The following LHFPL2 variants were observed in gnomAD, a reference collection of about 807,000 sequenced individuals.
The protein encoded by LHFPL2 is LHFPL tetraspan subfamily member 2.
LHFPL2 carries 7 observed loss-of-function variants against 17.5 expected under a neutral mutation model. The observed-to-expected ratio is 0.40, with a 90% CI of 0.23 to 0.75. The LOEUF is 0.75. LHFPL2 is among the 30% of genes least tolerant of loss of function. The pLI is 0.37. For missense variants in LHFPL2, 241 were observed against 294.8 expected (o/e 0.82, Z 1.34); for synonymous variants, 134 against 116.2 (o/e 1.15, Z -0.99).
intron 2 of LHFPL2, among the ~76,000 whole-genome samples, chr5:78,576,226 C>G (rs1319096335): frequency 1.3e-5 from 2 of 151,192 alleles, no homozygotes; most frequent in Non-Finnish European, 2.9e-5. Flanking sequence ...GCCCGGGAGG[C>G]GGAGCTTGCA....
intron 2 of LHFPL2, among the ~76,000 whole-genome samples, chr5:78,614,804 G>C (rs186398247): frequency 9.8e-5 from 15 of 152,324 alleles, no homozygotes; most frequent in African/African-American, 3.1e-4. Context: ...GGCAGGTTCT[G>C]TTATAACCCA....
rs1754212644 is a variant in LHFPL2, at chr5:78,485,630, T to C, written c.*3267A>G. 2 of 152,654 alleles carry C rather than the reference T, an allele frequency of 1.3e-5. No homozygotes were observed. Among genetic ancestry groups the C allele is most frequent in the Admixed American group, 1.3e-4 (2 of 15,280 alleles). The allele number at this position is 152,654 out of a possible 1,614,324, so 9.5% of individuals were successfully genotyped here. A position where few individuals can be genotyped will look rare whatever the true frequency, so the allele number is the denominator to read the frequency against. ...AGAGGTCTGTTCTAAGCCAGACTCT[T>C]ACAGCTAAGGAGGTGTGAGATTAGC... On this transcript the variant is annotated 3_prime_UTR_variant, in exon 5 of 5. Transcript: ENST00000380345.
intron 2 of LHFPL2, among the ~76,000 whole-genome samples, chr5:78,608,784 T>A (rs1446162388): frequency 6.6e-6 from 1 of 151,734 alleles, no homozygotes; most frequent in Non-Finnish European, 1.5e-5. Context: ...TACAAAAAAT[T>A]AGCCGGGCGC....
At chr5:78,615,131 T>C (rs1744554016) in intron 2 of LHFPL2, among the ~76,000 whole-genome samples, 1 of 152,214 alleles carries the variant, frequency 6.6e-6, no homozygotes, top group South Asian at 2.1e-4. Flanking sequence ...TTAGGATCCC[T>C]GGTCTCTATT....
intron 2 of LHFPL2, among the ~76,000 whole-genome samples, chr5:78,596,683 T>C (rs961378498): frequency 6.6e-6 from 1 of 152,020 alleles, no homozygotes; most frequent in African/African-American, 2.4e-5. Context: ...TCAGGACACC[T>C]CCCCGCCATG....
chr5:78,597,556 A>G (rs1278586864), intron 2 of LHFPL2, among the ~76,000 whole-genome samples: 5 of 152,196 alleles, frequency 3.3e-5, no homozygotes, highest in Non-Finnish European at 7.3e-5. Flanking sequence ...GACGTAGCAG[A>G]TTATGGAAGA....
intron 2 of LHFPL2, among the ~76,000 whole-genome samples, chr5:78,576,188 C>T (rs372170897): frequency 6.6e-5 from 10 of 151,702 alleles, no homozygotes; most frequent in African/African-American, 2.4e-4. Flanking sequence ...CCAGCTACTC[C>T]GGAGGCTGAG....
At chr5:78,512,517 G>A (rs1272155141) in intron 3 of LHFPL2, among the ~76,000 whole-genome samples, 1 of 151,432 alleles carries the variant, frequency 6.6e-6, no homozygotes, top group African/African-American at 2.4e-5. Context: ...GTTACTAAGG[G>A]CTTTAGAGGA....
chr5:78,609,574 G>A (rs1744346671), intron 2 of LHFPL2, among the ~76,000 whole-genome samples: 1 of 148,264 alleles, frequency 6.7e-6, no homozygotes, highest in African/African-American at 2.5e-5. Flanking sequence ...GCCACATAAA[G>A]ACTACCACAA....
intron 2 of LHFPL2, among the ~76,000 whole-genome samples, chr5:78,597,039 T>C (rs968851812): frequency 6.6e-6 from 1 of 152,218 alleles, no homozygotes; most frequent in Non-Finnish European, 1.5e-5. Flanking sequence ...GCAAAGCAAA[T>C]TGCTAAACCT....
intron 2 of LHFPL2, among the ~76,000 whole-genome samples, chr5:78,629,673 A>G (rs911111220): frequency 2.6e-5 from 4 of 152,218 alleles, no homozygotes; most frequent in Non-Finnish European, 5.9e-5. Context: ...TCAGCAATAA[A>G]GGAAACTGCG....
At chr5:78,579,266 G>C (rs1037341991) in intron 2 of LHFPL2, among the ~76,000 whole-genome samples, 6 of 152,050 alleles carry the variant, frequency 3.9e-5, no homozygotes, top group Admixed American at 3.9e-4. Flanking sequence ...GGGTGGAGGA[G>C]GAGGAGGATT....
At chr5:78,577,574 G>T (rs184668572) in intron 2 of LHFPL2, among the ~76,000 whole-genome samples, 2 of 152,084 alleles carry the variant, frequency 1.3e-5, no homozygotes, top group African/African-American at 4.8e-5. Context: ...GCCGTACACG[G>T]GTCCATTTGC....
intron 2 of LHFPL2, among the ~76,000 whole-genome samples, chr5:78,601,854 A>T (rs920741737): frequency 6.6e-6 from 1 of 152,218 alleles, no homozygotes; most frequent in African/African-American, 2.4e-5. Context: ...CCTGCACTGG[A>T]AACACAGCTG....
In LHFPL2 at chr5:78,534,889, T is replaced by C. The variant is rs191355705; in HGVS notation, c.-185-24491A>G. Among the ~76,000 whole-genome samples, 719 of 152,280 alleles carry C rather than the reference T, an allele frequency of 4.7e-3. 4 individuals are homozygous for C. Among genetic ancestry groups the C allele is most frequent in the African/African-American group, 0.017 (686 of 41,558 alleles). On this transcript the variant is annotated intron_variant, in intron 3 of 4. Coordinates refer to ENST00000380345, the MANE Select transcript of LHFPL2 (RefSeq NM_005779.3). ...AGGGGCAAGGCCTGGGGAGAAACACTGCCAAAGTCACACGGCCGCCTCAAC... is the reference window on the plus strand; with the variant it reads ...AGGGGCAAGGCCTGGGGAGAAACACCGCCAAAGTCACACGGCCGCCTCAAC...
intron 3 of LHFPL2, among the ~76,000 whole-genome samples, chr5:78,539,489 G>T (rs1179798015): frequency 1.3e-5 from 2 of 152,172 alleles, no homozygotes; most frequent in African/African-American, 4.8e-5. Flanking sequence ...AGATGGTAAA[G>T]TGCTTAGCAT....
At chr5:78,490,682 A>C (rs1754410216) in intron 4 of LHFPL2, among the ~76,000 whole-genome samples, 1 of 135,600 alleles carries the variant, frequency 7.4e-6, no homozygotes, top group Admixed American at 8.1e-5. Context: ...CGGGAGGTGG[A>C]GGTTGCAGTG....
chr5:78,637,045 T>C (rs1170254544), intron 1 of LHFPL2, among the ~76,000 whole-genome samples: 2 of 152,130 alleles, frequency 1.3e-5, no homozygotes, highest in Admixed American at 6.5e-5. Context: ...CTCCTCTAAA[T>C]TGGTTTTTCT....
intron 3 of LHFPL2, among the ~76,000 whole-genome samples, chr5:78,537,302 C>T (rs573528985): frequency 6.6e-6 from 1 of 152,220 alleles, no homozygotes; most frequent in East Asian, 1.9e-4. Context: ...CCATCAGCTG[C>T]CTCCCTTGAC....
Sources: gnomAD v4.1 joint callset for allele counts (sites outside exome capture counted in the v4.1 genomes callset) on GRCh38, gnomAD v4.1.1 for gene constraint, MANE v1.5 for transcripts, NCBI Gene and HGNC (gene_info 2026-07-23, HGNC 2026-07-21) for gene names.